The following ABI2 variants were observed in gnomAD, a reference collection of about 807,000 sequenced individuals.
The protein encoded by ABI2 is abelson interactor 2.
Under a neutral mutation model 59.2 loss-of-function variants are expected in ABI2, and 25 were observed. The ratio of observed to expected loss-of-function variants is 0.42; its 90% CI spans 0.31 to 0.59. ABI2 has a LOEUF of 0.59. Among genes scored for constraint, ABI2 ranks in the 20% least tolerant of loss-of-function variants. The pLI, the probability that ABI2 is intolerant of heterozygous loss-of-function variation, is 0.14. For missense variants in ABI2, 545 were observed against 681.8 expected (o/e 0.80, Z 2.23); for synonymous variants, 213 against 235.5 (o/e 0.90, Z 0.87).
chr2:203,417,300 C>T (rs1413184869), intron 11 of ABI2, among the ~76,000 whole-genome samples: 1 of 152,122 alleles, frequency 6.6e-6, no homozygotes, highest in African/African-American at 2.4e-5. Context: ...CTATATTGTT[C>T]CTATTGGACA....
At chr2:203,388,457 T>C (rs2096617400) in intron 4 of ABI2, among the ~76,000 whole-genome samples, 1 of 151,952 alleles carries the variant, frequency 6.6e-6, no homozygotes. Context: ...CCAAGGTGGG[T>C]GGATCACCTG....
intron 1 of ABI2, among the ~76,000 whole-genome samples, chr2:203,350,416 A>G (rs922866465): frequency 6.6e-6 from 1 of 151,772 alleles, no homozygotes; most frequent in Non-Finnish European, 1.5e-5. Context: ...CGGCATGATC[A>G]TAAGCTCACT....
chr2:203,336,832 G>A (rs76216618), intron 1 of ABI2, among the ~76,000 whole-genome samples: 49 of 152,264 alleles, frequency 3.2e-4, no homozygotes, highest in African/African-American at 9.9e-4. Flanking sequence ...GATTATTACC[G>A]TATGGTAAAT....
chr2:203,392,317 A>C (rs2443793), intron 5 of ABI2, among the ~76,000 whole-genome samples: 27,087 of 105,966 alleles, frequency 0.26, 3,224 homozygotes, highest in Middle Eastern at 0.33. Flanking sequence ...ACCACCACCA[A>C]CAACAACAAC....
At chr2:203,398,745 A>T (rs2097105959) in intron 8 of ABI2, among the ~76,000 whole-genome samples, 1 of 151,982 alleles carries the variant, frequency 6.6e-6, no homozygotes, top group Non-Finnish European at 1.5e-5. Flanking sequence ...TAAGCCCTTG[A>T]TGTGTTTTTT....
At chr2:203,377,838 C>T (rs758362838) in intron 2 of ABI2, among the ~76,000 whole-genome samples, 14 of 152,062 alleles carry the variant, frequency 9.2e-5, no homozygotes, top group South Asian at 2.1e-4. Context: ...CCTGAGAGGT[C>T]GAGGATGCAG....
At chr2:203,331,600 C>T (rs1412382484) in intron 1 of ABI2, among the ~76,000 whole-genome samples, 5 of 151,846 alleles carry the variant, frequency 3.3e-5, no homozygotes, top group South Asian at 2.1e-4. Context: ...CTCAGATGAT[C>T]GACCTGCCTT....
intron 1 of ABI2, chr2:203,355,196 A>G: frequency 2.4e-6 from 1 of 410,426 alleles, no homozygotes; most frequent in South Asian, 1.8e-5. Flanking sequence ...GCTTCCTGAC[A>G]AAGAATACAT....
At position 203,395,661 on chromosome 2, in the gene ABI2, G is replaced by A; in HGVS notation, c.731G>A (p.Ser244Asn). ...VNQRNRTYSS[S>N]GSSGGSHPSS... ...GGTGGCTCTTATTTCTTTAGCAGCA[G>A]TGGGAGTAGTGGAGGGAGCCACCCA... Residue 244 changes from serine (S) to asparagine (N), a missense_variant, in exon 7 of 12, where the codon AGT (serine) becomes AAT (asparagine). By Grantham distance (46) the Ser-to-Asn change is conservative. This residue lies in a region of ABI2 where 410 missense variants were observed against 435.6 expected (regional missense o/e 0.94). Transcript: ENST00000261018. 1 of 1,609,662 alleles carries A rather than the reference G, an allele frequency of 6.2e-7. No homozygotes were observed. The highest frequency in any genetic ancestry group is 8.5e-7 in the Non-Finnish European group (1 of 1,178,024).
At chr2:203,373,157 C>T (rs1342326334) in intron 2 of ABI2, among the ~76,000 whole-genome samples, 1 of 152,180 alleles carries the variant, frequency 6.6e-6, no homozygotes, top group African/African-American at 2.4e-5. Context: ...CGCCACTGCA[C>T]TCCAGCCTGG....
chr2:203,426,156 C>A (rs1485547373), intron 11 of ABI2, among the ~76,000 whole-genome samples: 1 of 152,068 alleles, frequency 6.6e-6, no homozygotes, highest in Non-Finnish European at 1.5e-5. Flanking sequence ...TATCAGAAGT[C>A]CCTGTTGTAG....
chr2:203,338,250 C>T (rs929855233), intron 1 of ABI2, among the ~76,000 whole-genome samples: 1 of 152,192 alleles, frequency 6.6e-6, no homozygotes, highest in African/African-American at 2.4e-5. Context: ...ATCACACATA[C>T]AAATTAGCTA....
At chr2:203,389,595 G>A (rs886721892) in intron 4 of ABI2, among the ~76,000 whole-genome samples, 1 of 152,140 alleles carries the variant, frequency 6.6e-6, no homozygotes, top group Non-Finnish European at 1.5e-5. Flanking sequence ...ATGGTATGAT[G>A]TCTTGCAATT....
intron 9 of ABI2, among the ~76,000 whole-genome samples, chr2:203,406,954 C>T (rs938271313): frequency 2.6e-5 from 4 of 152,126 alleles, no homozygotes; most frequent in Admixed American, 2.0e-4. Context: ...CTTTTCTCCA[C>T]GGCAAACCTT....
intron 11 of ABI2, among the ~76,000 whole-genome samples, chr2:203,425,895 G>A (rs913356373): frequency 1.6e-4 from 24 of 151,988 alleles, no homozygotes; most frequent in Non-Finnish European, 3.2e-4. Context: ...GGTGGTGGGC[G>A]CCTGTAATCC....
At chr2:203,374,220 C>T (rs1192718456) in intron 2 of ABI2, among the ~76,000 whole-genome samples, 6 of 151,140 alleles carry the variant, frequency 4.0e-5, no homozygotes, top group Non-Finnish European at 2.9e-5. Flanking sequence ...TAATTTTGGC[C>T]AGGCTCCGTG....
intron 10 of ABI2, 79 bp from the exon 11 acceptor site, chr2:203,416,829 C>T: frequency 2.9e-6 from 4 of 1,389,026 alleles, no homozygotes; most frequent in Non-Finnish European, 3.9e-6. Flanking sequence ...GTTTATATTC[C>T]ATGAACCCAG....
At chr2:203,365,227 G>A (rs560983918) in intron 1 of ABI2, among the ~76,000 whole-genome samples, 1 of 152,208 alleles carries the variant, frequency 6.6e-6, no homozygotes, top group South Asian at 2.1e-4. Flanking sequence ...GGCACATACA[G>A]AATTATGATG....
chr2:203,360,047 T>C (rs2093208043), intron 1 of ABI2, among the ~76,000 whole-genome samples: 1 of 151,768 alleles, frequency 6.6e-6, no homozygotes, highest in Non-Finnish European at 1.5e-5. Flanking sequence ...TAGCTGGGCG[T>C]GGTGGTGCAT....
Sources: allele counts gnomAD v4.1 joint callset (sites outside exome capture counted in the v4.1 genomes callset), GRCh38; gene constraint gnomAD v4.1.1; regional missense constraint gnomAD v4.1.1; transcripts MANE v1.5; gene names NCBI Gene and HGNC (gene_info 2026-07-23, HGNC 2026-07-21).